The following DTNB variants were observed in gnomAD, a reference collection of about 807,000 sequenced individuals.
DTNB encodes the protein DTN-B.
Under a neutral mutation model 90.7 loss-of-function variants are expected in DTNB, and 63 were observed. The ratio of observed to expected loss-of-function variants is 0.69; its 90% CI spans 0.57 to 0.86. DTNB has a LOEUF of 0.86. Ranked by LOEUF, DTNB falls within the 40% of genes least tolerant of loss-of-function variation. The probability of loss-of-function intolerance (pLI) is 0.00; values close to 1 mark genes in which losing one functional copy is unlikely to be tolerated. For synonymous variants in DTNB, 277 were observed against 286.7 expected, an observed-to-expected ratio of 0.97 and a Z score of 0.34; for missense variants, 744 against 807.1, an observed-to-expected ratio of 0.92 and a Z score of 0.95.
intron 8 of DTNB, among the ~76,000 whole-genome samples, chr2:25,554,853 C>T (rs1430676190): frequency 2.0e-5 from 3 of 152,106 alleles, no homozygotes; most frequent in Non-Finnish European, 4.4e-5. Context: ...TGAATGGTCA[C>T]ATACATATGA....
intron 16 of DTNB, among the ~76,000 whole-genome samples, chr2:25,396,572 G>C (rs994220272): frequency 2.0e-5 from 3 of 151,362 alleles, no homozygotes; most frequent in Non-Finnish European, 2.9e-5. Context: ...AGGGTGGGAG[G>C]GGGGTGAGGG....
intron 12 of DTNB, among the ~76,000 whole-genome samples, chr2:25,446,689 T>C (rs887605013): frequency 1.3e-5 from 2 of 152,236 alleles, no homozygotes; most frequent in Non-Finnish European, 2.9e-5. Context: ...CTTTGTATTC[T>C]GTAGTTTCAC....
At chr2:25,391,621 T>C (rs1198164688) in intron 16 of DTNB, among the ~76,000 whole-genome samples, 2 of 152,086 alleles carry the variant, frequency 1.3e-5, no homozygotes, top group South Asian at 2.1e-4. Flanking sequence ...GTGGAGAAAT[T>C]AGAACCCTAA....
rs189996424 is a variant in DTNB at position 25,548,879 on chromosome 2, T to A, written c.877-17282A>T. ...AGAAAGCCTCTGTAATAATTACTTA[T>A]GTATATGTTTACATACACATAAATA... On this transcript the variant is annotated intron_variant, in intron 8 of 20. Coordinates refer to ENST00000406818, the MANE Select transcript of DTNB (RefSeq NM_021907.5). 1.9e-4 allele frequency among the ~76,000 whole-genome samples: 29 copies of A among 152,332 alleles called. No homozygotes were observed. The East Asian group carries it at 5.0e-3, about 26-fold the overall frequency.
intron 7 of DTNB, among the ~76,000 whole-genome samples, chr2:25,577,309 T>C (rs1193832811): frequency 2.6e-5 from 4 of 152,024 alleles, no homozygotes; most frequent in Non-Finnish European, 5.9e-5. Flanking sequence ...TGATGGCACA[T>C]GCCTGTAATC....
At position 25,590,571 on chromosome 2, in the gene DTNB, T is replaced by G. The variant is rs529362127; in HGVS notation, c.603+5515A>C. Among the ~76,000 whole-genome samples, 3 of 151,986 alleles carry G rather than the reference T, an allele frequency of 2.0e-5. No individual in the cohort carries two copies. In the East Asian group the frequency reaches 5.8e-4, roughly 30 times the overall value. On this transcript the variant is annotated intron_variant, in intron 6 of 20. Transcript: ENST00000406818. ...GAGAAGACCCTGGCAGGGTAGCTCC[T>G]CTCTGCAGCTGGTTGTCCCATCATC...
At chr2:25,408,562 A>AAAAAAC in intron 16 of DTNB, among the ~76,000 whole-genome samples, 3 of 151,162 alleles carry the variant, frequency 2.0e-5, no homozygotes, top group South Asian at 2.1e-4. Context: ...AAAAAAAAAA[A>AAAAAAC]AGCACCACTT....
intron 12 of DTNB, among the ~76,000 whole-genome samples, chr2:25,446,318 C>T (rs112271002): frequency 6.6e-6 from 1 of 152,172 alleles, no homozygotes; most frequent in East Asian, 1.9e-4. Context: ...TTCACTGCAA[C>T]CTTGAACTTC....
intron 9 of DTNB, chr2:25,497,719 A>G (rs1323269231): frequency 1.3e-5 from 2 of 152,214 alleles, no homozygotes; most frequent in Non-Finnish European, 2.9e-5. Context: ...TAGTCCCATC[A>G]TGAGATTGTC....
chr2:25,526,053 C>T (rs991590668), intron 9 of DTNB, among the ~76,000 whole-genome samples: 5 of 152,060 alleles, frequency 3.3e-5, no homozygotes, highest in African/African-American at 1.2e-4. Context: ...AGCCCCTGAG[C>T]TCAGGAGCCC....
intron 9 of DTNB, among the ~76,000 whole-genome samples, chr2:25,496,951 C>T (rs1250649977): frequency 6.6e-6 from 1 of 152,104 alleles, no homozygotes; most frequent in Non-Finnish European, 1.5e-5. Context: ...CATCATTAGC[C>T]CAGTGCTTAA....
At chr2:25,395,094 T>C (rs572984685) in intron 16 of DTNB, among the ~76,000 whole-genome samples, 21 of 152,278 alleles carry the variant, frequency 1.4e-4, no homozygotes, top group East Asian at 7.7e-4. Flanking sequence ...CTGGATGGAA[T>C]TGGAGACTAT....
At chr2:25,489,464 A>C (rs781356786) in intron 9 of DTNB, among the ~76,000 whole-genome samples, 2 of 152,198 alleles carry the variant, frequency 1.3e-5, no homozygotes, top group Admixed American at 6.5e-5. Context: ...TGCTATATGC[A>C]TGGGAAAATA....
intron 4 of DTNB, 109 bp from the exon 5 acceptor site, chr2:25,607,430 T>C: frequency 2.0e-6 from 2 of 1,011,592 alleles, no homozygotes; most frequent in Non-Finnish European, 2.8e-6. Context: ...ACCTTGTCTG[T>C]TACAATTTTA....
intron 10 of DTNB, among the ~76,000 whole-genome samples, chr2:25,477,654 G>A (rs927615489): frequency 6.6e-6 from 1 of 151,998 alleles, no homozygotes; most frequent in African/African-American, 2.4e-5. Context: ...ATTATTTGTT[G>A]GGAGAAATAA....
intron 6 of DTNB, among the ~76,000 whole-genome samples, chr2:25,582,220 G>A (rs995250841): frequency 1.3e-5 from 2 of 152,096 alleles, no homozygotes; most frequent in Non-Finnish European, 1.5e-5. Flanking sequence ...AACCGGAAGC[G>A]AGGAGTGAAG....
Position 25,440,174 on chromosome 2 carries a change from C to T in DTNB, c.1258-6179G>A, listed in dbSNP as rs981719022. ...CATAGCAGGTATACTGGAAGGGTCTCGGCTTCCTGTGGAAAACACAGCTTG... is the reference window on the plus strand; with the variant it reads ...CATAGCAGGTATACTGGAAGGGTCTTGGCTTCCTGTGGAAAACACAGCTTG... On this transcript the variant is annotated intron_variant, in intron 12 of 20. Transcript: ENST00000406818. 1.4e-4 allele frequency among the ~76,000 whole-genome samples: 21 copies of T among 152,188 alleles called. 1 individual carries two copies. Among genetic ancestry groups the T allele is most frequent in the Admixed American group, 1.2e-3 (19 of 15,266 alleles).
intron 8 of DTNB, among the ~76,000 whole-genome samples, chr2:25,535,476 C>T (rs1486009295): frequency 6.7e-6 from 1 of 148,564 alleles, no homozygotes; most frequent in African/African-American, 2.5e-5. Flanking sequence ...AGAGGCGCTC[C>T]CCACTTCCTC....
chr2:25,626,128 G>A (rs911667716), intron 4 of DTNB, among the ~76,000 whole-genome samples: 23 of 152,128 alleles, frequency 1.5e-4, no homozygotes, highest in Admixed American at 5.2e-4. Flanking sequence ...AGACTAAAGC[G>A]CCATAGTATT....
Sources: gnomAD v4.1 joint callset for allele counts (sites outside exome capture counted in the v4.1 genomes callset) on GRCh38, gnomAD v4.1.1 for gene constraint, MANE v1.5 for transcripts, NCBI Gene and HGNC (gene_info 2026-07-23, HGNC 2026-07-21) for gene names.